The following CTNNA3 variants were observed in gnomAD, a reference collection of about 807,000 sequenced individuals.
The protein encoded by CTNNA3 is catenin alpha 3.
A neutral mutation model predicts 95.7 loss-of-function variants in CTNNA3; 76 were observed. The observed-to-expected ratio is 0.79, with a 90% CI of 0.66 to 0.96. CTNNA3 has a LOEUF of 0.96. Among genes scored for constraint, CTNNA3 ranks in the 40% least tolerant of loss-of-function variants. CTNNA3 has a pLI of 0.00. For synonymous variants in CTNNA3, 431 were observed against 374.4 expected (o/e 1.15, Z -1.74); for missense variants, 1,191 against 1,089.8 (o/e 1.09, Z -1.31).
chr10:65,937,435 G>C (rs1307306853), intron 17 of CTNNA3, among the ~76,000 whole-genome samples: 2 of 152,108 alleles, frequency 1.3e-5, no homozygotes, highest in East Asian at 3.9e-4. Context: ...CTTTCTCACA[G>C]TATGAAATGA....
chr10:66,840,756 A>T (rs1454631200), intron 7 of CTNNA3, among the ~76,000 whole-genome samples: 1 of 151,714 alleles, frequency 6.6e-6, no homozygotes, highest in Non-Finnish European at 1.5e-5. Flanking sequence ...ATACATCTTC[A>T]ATTTCATATT....
intron 11 of CTNNA3, among the ~76,000 whole-genome samples, chr10:66,465,998 T>C (rs1255173434): frequency 6.6e-6 from 1 of 152,116 alleles, no homozygotes; most frequent in Non-Finnish European, 1.5e-5. Context: ...TGGCTAAACA[T>C]GTCTGGATGT....
intron 1 of CTNNA3, among the ~76,000 whole-genome samples, chr10:67,722,474 C>T (rs1589580766): frequency 1.3e-5 from 2 of 152,240 alleles, no homozygotes; most frequent in Middle Eastern, 6.8e-3. Flanking sequence ...CAATTCACAG[C>T]TACCAATCTC....
chr10:67,006,405 C>G (rs1851992104), intron 7 of CTNNA3, among the ~76,000 whole-genome samples: 2 of 152,156 alleles, frequency 1.3e-5, no homozygotes, highest in African/African-American at 4.8e-5. Flanking sequence ...CTCTTTCTCC[C>G]TCTTTCTGTG....
intron 16 of CTNNA3, among the ~76,000 whole-genome samples, chr10:65,975,251 A>C (rs2078188589): frequency 6.6e-6 from 1 of 152,194 alleles, no homozygotes; most frequent in Admixed American, 6.5e-5. Flanking sequence ...AGACACAATC[A>C]GACAAGAATA....
intron 11 of CTNNA3, among the ~76,000 whole-genome samples, chr10:66,438,592 C>T (rs1231838737): frequency 2.0e-5 from 3 of 152,130 alleles, no homozygotes; most frequent in Non-Finnish European, 2.9e-5. Flanking sequence ...GACTCCTGTG[C>T]TGACAGCGAG....
chr10:67,212,364 T>C (rs12267730), intron 6 of CTNNA3, among the ~76,000 whole-genome samples: 3,733 of 152,074 alleles, frequency 0.025, 162 homozygotes, highest in African/African-American at 0.083. Context: ...TCTGTAACAC[T>C]AGAAATGTGT....
intron 13 of CTNNA3, among the ~76,000 whole-genome samples, chr10:66,185,500 G>A (rs1462816): frequency 6.6e-5 from 10 of 151,686 alleles, no homozygotes; most frequent in Non-Finnish European, 1.2e-4. Flanking sequence ...AATACTGCAC[G>A]AAAAATGACA....
At chr10:67,683,909 C>T (rs1840676998) in intron 1 of CTNNA3, among the ~76,000 whole-genome samples, 8 of 152,178 alleles carry the variant, frequency 5.3e-5, no homozygotes, top group Admixed American at 5.2e-4. Context: ...CACGGTCTCG[C>T]TCACGTCAGG....
intron 1 of CTNNA3, among the ~76,000 whole-genome samples, chr10:67,718,610 T>C (rs1020696809): frequency 2.0e-5 from 3 of 152,216 alleles, no homozygotes; most frequent in African/African-American, 2.4e-5. Context: ...GGATTACATT[T>C]ATTGATTTGC....
At chr10:67,562,657 G>T (rs573951844) in intron 3 of CTNNA3, among the ~76,000 whole-genome samples, 1 of 151,768 alleles carries the variant, frequency 6.6e-6, no homozygotes, top group Non-Finnish European at 1.5e-5. Flanking sequence ...GGCAGGAGAA[G>T]TAAATAAAGG....
At chr10:67,146,778 G>T (rs1273362906) in intron 7 of CTNNA3, among the ~76,000 whole-genome samples, 1 of 152,174 alleles carries the variant, frequency 6.6e-6, no homozygotes, top group East Asian at 1.9e-4. Context: ...ATACAGTCAT[G>T]CATGGCATAA....
intron 7 of CTNNA3, among the ~76,000 whole-genome samples, chr10:67,119,821 C>T (rs1859370043): frequency 6.6e-6 from 1 of 151,786 alleles, no homozygotes; most frequent in Admixed American, 6.6e-5. Flanking sequence ...GTATGTGACA[C>T]ATCGTATTTA....
chr10:66,620,029 C>T (rs1039346509), intron 10 of CTNNA3, among the ~76,000 whole-genome samples: 5 of 152,054 alleles, frequency 3.3e-5, no homozygotes, highest in African/African-American at 1.2e-4. Context: ...GAAATGATCT[C>T]TACCTCATGT....
intron 11 of CTNNA3, among the ~76,000 whole-genome samples, chr10:66,465,356 G>A (rs975046148): frequency 1.3e-5 from 2 of 152,100 alleles, no homozygotes; most frequent in African/African-American, 4.8e-5. Context: ...GTTTGAATCA[G>A]TGTTCAGACT....
At chr10:66,041,943 G>A (rs996555833) in intron 15 of CTNNA3, among the ~76,000 whole-genome samples, 2 of 152,058 alleles carry the variant, frequency 1.3e-5, no homozygotes, top group African/African-American at 4.8e-5. Flanking sequence ...CTCATGTCAC[G>A]CTTCTCAGCA....
At chr10:66,658,900 A>T (rs920371395) in intron 9 of CTNNA3, among the ~76,000 whole-genome samples, 1 of 151,964 alleles carries the variant, frequency 6.6e-6, no homozygotes, top group African/African-American at 2.4e-5. Flanking sequence ...TGTCATGTTG[A>T]CCAGGCTGGT....
intron 12 of CTNNA3, among the ~76,000 whole-genome samples, chr10:66,299,219 A>C (rs1025591585): frequency 5.6e-4 from 85 of 152,130 alleles, no homozygotes; most frequent in Non-Finnish European, 1.5e-4. Context: ...TCACCATCTT[A>C]GATGCATGTC....
chr10:66,304,767 G>C (rs1162277011), intron 12 of CTNNA3, among the ~76,000 whole-genome samples: 1 of 152,046 alleles, frequency 6.6e-6, no homozygotes, highest in Non-Finnish European at 1.5e-5. Context: ...AAAAGTATAG[G>C]AACAGGTATA....
Sources: gnomAD v4.1 joint callset for allele counts (sites outside exome capture counted in the v4.1 genomes callset) on GRCh38, gnomAD v4.1.1 for gene constraint, MANE v1.5 for transcripts, NCBI Gene and HGNC (gene_info 2026-07-23, HGNC 2026-07-21) for gene names.